CACNB2: variants seen among roughly 807,000 people sequenced by gnomAD.
CACNB2 encodes voltage-dependent L-type calcium channel subunit beta-2.
CACNB2 carries 42 observed loss-of-function variants against 73.3 expected under a neutral mutation model. The observed-to-expected ratio is 0.57, with a 90% CI of 0.45 to 0.74. The LOEUF is 0.74. Among genes scored for constraint, CACNB2 ranks in the 30% least tolerant of loss-of-function variants. CACNB2 has a pLI of 0.00. For missense variants in CACNB2, 940 were observed against 853.0 expected (o/e 1.10, Z -1.27); for synonymous variants, 348 against 310.3 (o/e 1.12, Z -1.28).
At chr10:18,489,476 A>T (rs182832898) in intron 3 of CACNB2, among the ~76,000 whole-genome samples, 81 of 150,038 alleles carry the variant, frequency 5.4e-4, no homozygotes, top group African/African-American at 1.9e-3. Flanking sequence ...GGATCTTGCA[A>T]TGTTGCCCAG....
intron 5 of CACNB2, among the ~76,000 whole-genome samples, 199 bp from the exon 6 acceptor site, chr10:18,506,272 G>A (rs191851025): frequency 6.6e-6 from 1 of 152,234 alleles, no homozygotes; most frequent in African/African-American, 2.4e-5. Context: ...ATTAAACCTT[G>A]AATTTGAAAT....
intron 2 of CACNB2, among the ~76,000 whole-genome samples, chr10:18,381,347 T>A (rs537300692): frequency 1.3e-5 from 2 of 152,070 alleles, no homozygotes; most frequent in Admixed American, 1.3e-4. Flanking sequence ...GTAATATACC[T>A]ATTAAGGCTA....
At chr10:18,408,026 T>G (rs2044390790) in intron 3 of CACNB2, among the ~76,000 whole-genome samples, 1 of 152,050 alleles carries the variant, frequency 6.6e-6, no homozygotes, top group African/African-American at 2.4e-5. Flanking sequence ...AAATAAAGTG[T>G]AAGAAGCAGC....
intron 6 of CACNB2, among the ~76,000 whole-genome samples, chr10:18,509,034 C>T (rs1350984777): frequency 6.6e-6 from 1 of 152,170 alleles, no homozygotes; most frequent in East Asian, 1.9e-4. Flanking sequence ...TGTAGAGATA[C>T]ACCAACTTTC....
Position 18,501,148 on chromosome 10 carries a change from A to G in CACNB2, c.593+200A>G, listed in dbSNP as rs538156551. Reference sequence around the variant, plus strand: ...CACCTGATTTTCACCCTATTTGGGAAAGTGTCAAATTATTATCATTAATGA... The same window carrying G: ...CACCTGATTTTCACCCTATTTGGGAGAGTGTCAAATTATTATCATTAATGA... On this transcript the variant is annotated intron_variant, in intron 5 of 13. Transcript: ENST00000324631. 7.2e-5 allele frequency among the ~76,000 whole-genome samples: 11 copies of G among 152,338 alleles called. No individual in the cohort carries two copies. In the South Asian group the frequency reaches 2.1e-3, roughly 29 times the overall value.
At chr10:18,419,375 A>G (rs147899725) in intron 3 of CACNB2, among the ~76,000 whole-genome samples, 53 of 152,320 alleles carry the variant, frequency 3.5e-4, no homozygotes, top group African/African-American at 1.1e-3. Flanking sequence ...AGAAAATGCA[A>G]TAGTAACTGT....
chr10:18,149,524 G>C (rs2031317667), intron 1 of CACNB2, among the ~76,000 whole-genome samples: 1 of 152,116 alleles, frequency 6.6e-6, no homozygotes, highest in Non-Finnish European at 1.5e-5. Flanking sequence ...TTTGCTTTAA[G>C]ATGATACCAC....
chr10:18,213,229 T>A (rs2035388244), intron 2 of CACNB2, among the ~76,000 whole-genome samples: 1 of 152,176 alleles, frequency 6.6e-6, no homozygotes, highest in African/African-American at 2.4e-5. Context: ...AGAATTTAGA[T>A]TTGGAGTTGC....
At chr10:18,431,707 AATGGATAAGC>A (rs894876075) in intron 3 of CACNB2, among the ~76,000 whole-genome samples, 4 of 152,194 alleles carry the variant, frequency 2.6e-5, no homozygotes, top group African/African-American at 7.2e-5. Context: ...CAAGAAACAA[AATGGATAAGC>A]ATGGATAAGC....
At chr10:18,480,751 T>C (rs2048682402) in intron 3 of CACNB2, among the ~76,000 whole-genome samples, 2 of 152,152 alleles carry the variant, frequency 1.3e-5, no homozygotes, top group African/African-American at 4.8e-5. Context: ...AATAGACGAA[T>C]TTATCCCCTG....
chr10:18,516,814 G>T lies in CACNB2; in HGVS notation c.805-1522G>T, dbSNP rs868382097. 2.7e-3 allele frequency among the ~76,000 whole-genome samples: 383 copies of T among 142,188 alleles called. 3 individuals are homozygous for T. Among genetic ancestry groups the T allele is most frequent in the African/African-American group, 9.3e-3 (365 of 39,046 alleles). The allele number at this position is 142,188 out of a possible 152,430, so 93.3% of individuals were successfully genotyped here. On this transcript the variant is annotated intron_variant, in intron 7 of 13. Transcript: ENST00000324631. ...GCTGTCACTGTATTATGTTTGTCTT[G>T]TTTTTTTTTTTTCTGTTCAAAACTG...
chr10:18,261,092 T>A, intron 2 of CACNB2: 1 of 1,432,690 alleles, frequency 7.0e-7, no homozygotes, highest in Non-Finnish European at 9.2e-7. Flanking sequence ...AGTTTTGGCA[T>A]GCCTGCAGGA....
intron 3 of CACNB2, among the ~76,000 whole-genome samples, chr10:18,415,312 C>G (rs984631358): frequency 1.3e-5 from 2 of 151,824 alleles, no homozygotes; most frequent in African/African-American, 4.8e-5. Context: ...AAAAAATAAG[C>G]AAAAATAGTT....
At chr10:18,312,838 A>G (rs2040012233) in intron 2 of CACNB2, among the ~76,000 whole-genome samples, 2 of 152,134 alleles carry the variant, frequency 1.3e-5, no homozygotes, top group African/African-American at 4.8e-5. Flanking sequence ...TGGCATCCAG[A>G]GTTTTAGTGC....
chr10:18,342,066 A>G (rs1055499348), intron 2 of CACNB2, among the ~76,000 whole-genome samples: 2 of 152,134 alleles, frequency 1.3e-5, no homozygotes, highest in Non-Finnish European at 2.9e-5. Flanking sequence ...AATGCTACTC[A>G]TGTCCAATTT....
intron 3 of CACNB2, among the ~76,000 whole-genome samples, chr10:18,494,562 G>T (rs1348857727): frequency 6.6e-6 from 1 of 151,240 alleles, no homozygotes; most frequent in Non-Finnish European, 1.5e-5. Context: ...AACCCAGGAG[G>T]CGGAGTTTGC....
At chr10:18,455,040 A>G (rs545787183) in intron 3 of CACNB2, among the ~76,000 whole-genome samples, 2 of 23,286 alleles carry the variant, frequency 8.6e-5, no homozygotes, top group East Asian at 1.2e-3. Flanking sequence ...CCAATCTCTT[A>G]AAAAAAAAAA....
chr10:18,162,046 C>T (rs1315555566), intron 2 of CACNB2, among the ~76,000 whole-genome samples: 1 of 151,594 alleles, frequency 6.6e-6, no homozygotes, highest in Non-Finnish European at 1.5e-5. Context: ...AGTACGTGTT[C>T]TGTAACTTTT....
At chr10:18,512,479 T>G (rs1394172463) in intron 6 of CACNB2, among the ~76,000 whole-genome samples, 1 of 152,238 alleles carries the variant, frequency 6.6e-6, no homozygotes, top group Non-Finnish European at 1.5e-5. Context: ...CTCAAATGTC[T>G]GTTGCAATTT....
Sources: gnomAD v4.1 joint callset for allele counts (sites outside exome capture counted in the v4.1 genomes callset) on GRCh38, gnomAD v4.1.1 for gene constraint, MANE v1.5 for transcripts, NCBI Gene and HGNC (gene_info 2026-07-23, HGNC 2026-07-21) for gene names.